The following HYDIN variants were observed in gnomAD, a reference collection of about 807,000 sequenced individuals.
HYDIN encodes the protein HYDIN axonemal central pair apparatus protein.
Under a neutral mutation model 403.9 loss-of-function variants are expected in HYDIN, and 132 were observed. The ratio of observed to expected loss-of-function variants is 0.33; its 90% CI spans 0.28 to 0.38. HYDIN has a LOEUF of 0.38. Ranked by LOEUF, HYDIN falls within the 10% of genes least tolerant of loss-of-function variation. The probability of loss-of-function intolerance (pLI) is 1.00; values close to 1 mark genes in which losing one functional copy is unlikely to be tolerated. For missense variants in HYDIN, 2,827 were observed against 5,009.5 expected, an observed-to-expected ratio of 0.56 and a Z score of 13.15; for synonymous variants, 1,202 against 1,891.7, an observed-to-expected ratio of 0.64 and a Z score of 9.46.
At chr16:71,218,127 A>G (rs182508281) in intron 1 of HYDIN, among the ~76,000 whole-genome samples, 40 of 152,338 alleles carry the variant, frequency 2.6e-4, no homozygotes, top group Admixed American at 2.6e-3. Context: ...GCCCTTGAGG[A>G]ATTTCATGCA....
intron 84 of HYDIN, among the ~76,000 whole-genome samples, chr16:70,813,573 G>C (rs2035645280): frequency 6.6e-6 from 1 of 152,006 alleles, no homozygotes; most frequent in Non-Finnish European, 1.5e-5. Context: ...TGCGCAGACA[G>C]TAAATGTCTG....
intron 65 of HYDIN, 23 bp from the exon 66 acceptor site, chr16:70,868,811 T>C: frequency 6.2e-7 from 1 of 1,602,316 alleles, no homozygotes; most frequent in Non-Finnish European, 8.5e-7. Flanking sequence ...CTGGTATTAG[T>C]ATTTTTGAGA....
At chr16:70,972,831 G>A (rs60542533) in intron 35 of HYDIN, among the ~76,000 whole-genome samples, 1,058 of 152,162 alleles carry the variant, frequency 7.0e-3, no homozygotes, top group African/African-American at 0.022. Context: ...ATTAACAGTT[G>A]TTGGCAATGT....
intron 1 of HYDIN, among the ~76,000 whole-genome samples, chr16:71,199,612 G>A (rs1485171055): frequency 1.3e-5 from 2 of 152,136 alleles, no homozygotes; most frequent in African/African-American, 4.8e-5. Flanking sequence ...CTTGAAGCAA[G>A]CTTTGGTTTA....
intron 10 of HYDIN, among the ~76,000 whole-genome samples, chr16:71,108,088 T>C (rs1327425766): frequency 6.6e-6 from 1 of 152,124 alleles, no homozygotes; most frequent in Non-Finnish European, 1.5e-5. Context: ...AAATACTGCA[T>C]ATTCTCACTT....
At chr16:71,022,803 G>A (rs1266181985) in intron 21 of HYDIN, among the ~76,000 whole-genome samples, 2 of 147,624 alleles carry the variant, frequency 1.4e-5, no homozygotes, top group African/African-American at 4.9e-5. Flanking sequence ...TTCACTTTTT[G>A]ATTGAATAAG....
At position 70,992,096 on chromosome 16, in the gene HYDIN, G is replaced by A. The variant is rs371465942; in HGVS notation, c.3759C>T (p.Pro1253=). 178 of 1,613,634 alleles carry A rather than the reference G, an allele frequency of 1.1e-4. No homozygotes were observed. In the African/African-American group the frequency reaches 1.9e-3, roughly 17 times the overall value. ...PPAILVTVES[P]EMDLNDFVKT... is the part of the protein sequence containing the mutation. The stretch of plus-strand genomic sequence containing the variant: ...TAACAAAATCATTTAAATCCATCTC[G>A]GGGGACTCTACTGTAACTAGGATTG... Residue 1253 remains proline (P), a synonymous_variant, in exon 24 of 86, where the codon CCC becomes CCT. Coordinates refer to ENST00000393567, the MANE Select transcript of HYDIN (RefSeq NM_001270974.2).
intron 13 of HYDIN, among the ~76,000 whole-genome samples, chr16:71,074,844 T>C (rs1156480260): frequency 6.7e-6 from 1 of 150,038 alleles, no homozygotes; most frequent in East Asian, 1.9e-4. Flanking sequence ...TTTGTTGGAG[T>C]CATGAGGCTT....
chr16:71,021,220 CTT>C (rs61127175), intron 21 of HYDIN, among the ~76,000 whole-genome samples: 24 of 141,962 alleles, frequency 1.7e-4, no homozygotes, highest in Admixed American at 1.4e-4. Context: ...TTTAATTTTT[CTT>C]TTTTTTTTTT....
chr16:71,192,598 G>C (rs1382454494), intron 1 of HYDIN, among the ~76,000 whole-genome samples: 2 of 152,094 alleles, frequency 1.3e-5, no homozygotes, highest in African/African-American at 4.8e-5. Flanking sequence ...CCCCATGGCA[G>C]CTAATTCCCA....
At chr16:70,850,305 G>A (rs1324054884) in intron 74 of HYDIN, 143 bp downstream of exon 74, 10 of 819,426 alleles carry the variant, frequency 1.2e-5, no homozygotes, top group Non-Finnish European at 1.9e-5. Flanking sequence ...ACATTCTGGG[G>A]ATAGAGCTGC....
chr16:70,910,245 C>T (rs1467254504), intron 47 of HYDIN, among the ~76,000 whole-genome samples: 2 of 152,196 alleles, frequency 1.3e-5, no homozygotes, highest in East Asian at 3.8e-4. Flanking sequence ...CTCTCCCACC[C>T]TTCCCCCCAA....
chr16:70,861,248 T>C (rs1019456596), intron 69 of HYDIN, among the ~76,000 whole-genome samples: 3 of 152,158 alleles, frequency 2.0e-5, no homozygotes, highest in Non-Finnish European at 4.4e-5. Flanking sequence ...TAAAAAAGTA[T>C]CCTGAGCTCC....
At chr16:70,872,860 T>C (rs1471236176) in intron 64 of HYDIN, among the ~76,000 whole-genome samples, 1 of 150,806 alleles carries the variant, frequency 6.6e-6, no homozygotes, top group Non-Finnish European at 1.5e-5. Flanking sequence ...CACCCATCCA[T>C]CCATCCATCA....
chr16:70,841,320 A>G (rs1443488035), intron 75 of HYDIN, among the ~76,000 whole-genome samples: 1 of 152,120 alleles, frequency 6.6e-6, no homozygotes, highest in Admixed American at 6.6e-5. Flanking sequence ...AAGATCTTGT[A>G]ACATGTTACG....
At chr16:71,203,122 A>C (rs1210081413) in intron 1 of HYDIN, among the ~76,000 whole-genome samples, 1 of 152,178 alleles carries the variant, frequency 6.6e-6, no homozygotes, top group Non-Finnish European at 1.5e-5. Context: ...AAGTATATAA[A>C]AGCAGAGATG....
At chr16:70,927,979 A>C (rs2077205072) in intron 45 of HYDIN, among the ~76,000 whole-genome samples, 1 of 152,030 alleles carries the variant, frequency 6.6e-6, no homozygotes, top group South Asian at 2.1e-4. Context: ...CAAAAAAAAC[A>C]AACACCCAGG....
chr16:71,098,213 T>C (rs1597773898), intron 10 of HYDIN, among the ~76,000 whole-genome samples: 1 of 147,226 alleles, frequency 6.8e-6, no homozygotes, highest in African/African-American at 2.6e-5. Context: ...CTTTTTTTTT[T>C]TTTTTTGAGA....
intron 69 of HYDIN, among the ~76,000 whole-genome samples, chr16:70,861,114 A>G (rs2039385906): frequency 6.6e-6 from 1 of 151,846 alleles, no homozygotes; most frequent in Non-Finnish European, 1.5e-5. Flanking sequence ...GTACCTAAGT[A>G]TGGCCGCAGG....
Sources: gnomAD v4.1 joint callset for allele counts (sites outside exome capture counted in the v4.1 genomes callset) on GRCh38, gnomAD v4.1.1 for gene constraint, MANE v1.5 for transcripts, NCBI Gene and HGNC (gene_info 2026-07-23, HGNC 2026-07-21) for gene names.